The following ZBTB43 variants were observed in gnomAD, a reference collection of about 807,000 sequenced individuals.
ZBTB43 encodes zinc finger and BTB domain-containing protein 43.
In ZBTB43, 6 loss-of-function variants were observed where a neutral mutation model predicts 31.1. That is an observed-to-expected ratio of 0.19 (90% CI 0.11 to 0.38). The LOEUF (loss-of-function observed/expected upper bound fraction) is 0.38. Ranked by LOEUF, ZBTB43 falls within the 10% of genes least tolerant of loss-of-function variation. The pLI is 1.00. For synonymous variants in ZBTB43, 212 were observed against 221.7 expected, an observed-to-expected ratio of 0.96 and a Z score of 0.39; for missense variants, 379 against 602.1, an observed-to-expected ratio of 0.63 and a Z score of 3.88.
At chr9:126,813,487 A>G (rs1335105709) in intron 2 of ZBTB43, among the ~76,000 whole-genome samples, 1 of 151,978 alleles carries the variant, frequency 6.6e-6, no homozygotes, top group Non-Finnish European at 1.5e-5. Context: ...ACTCATTGTC[A>G]CTCATAGAAG....
chr9:126,809,228 G>A (rs1159976212), intron 2 of ZBTB43, among the ~76,000 whole-genome samples: 1 of 152,148 alleles, frequency 6.6e-6, no homozygotes, highest in Non-Finnish European at 1.5e-5. Context: ...GTAACCACTG[G>A]CAGGTCTTTT....
intron 2 of ZBTB43, among the ~76,000 whole-genome samples, chr9:126,828,675 T>TATTATTATTATG (rs1431973272): frequency 6.8e-6 from 1 of 147,102 alleles, no homozygotes; most frequent in African/African-American, 2.5e-5. Flanking sequence ...TTATTATTAT[T>TATTATTATTATG]ATTTTGGAGG....
chr9:126,808,122 G>A (rs544919434), intron 1 of ZBTB43, among the ~76,000 whole-genome samples: 49 of 152,240 alleles, frequency 3.2e-4, no homozygotes, highest in African/African-American at 1.1e-3. Flanking sequence ...TCTAATGCAC[G>A]TGAGGGTACA....
rs922021606 is a variant in ZBTB43 at position 126,808,909 on chromosome 9, G to A, written c.-30G>A. The A allele has an allele frequency of 1.3e-5, 2 of 152,092 alleles. No individual in the cohort carries two copies. Among genetic ancestry groups the A allele is most frequent in the African/African-American group, 4.8e-5 (2 of 41,418 alleles). The allele number at this position is 152,092 out of a possible 1,614,324, so 9.4% of individuals were successfully genotyped here. On this transcript the variant is annotated 5_prime_UTR_variant, in exon 2 of 3. Transcript: ENST00000373464. ...AACTCTATCCCAGGAATACAGCTTT[G>A]CATTAGGTAAGCTATCAACTTGATC...
At chr9:126,827,944 G>A (rs1160086429) in intron 2 of ZBTB43, among the ~76,000 whole-genome samples, 1 of 152,018 alleles carries the variant, frequency 6.6e-6, no homozygotes, top group Non-Finnish European at 1.5e-5. Flanking sequence ...TTGAACCCAG[G>A]AGGCAGAGGT....
chr9:126,815,242 CT>C (rs1564201025), intron 2 of ZBTB43, among the ~76,000 whole-genome samples: 1 of 26,562 alleles, frequency 3.8e-5, no homozygotes, highest in African/African-American at 1.2e-4. Flanking sequence ...ATATATAAAA[CT>C]ATATATATAT....
chr9:126,806,290 G>C lies in ZBTB43; in HGVS notation c.-147+1158G>C, dbSNP rs371316681. Among the ~76,000 whole-genome samples, 16 of 152,316 alleles carry C rather than the reference G, an allele frequency of 1.1e-4. 1 individual carries two copies. The highest frequency in any genetic ancestry group is 6.8e-3 in the Middle Eastern group (2 of 294). On this transcript the variant is annotated intron_variant, in intron 1 of 2. Transcript: ENST00000373464. ...CTGGGATAACTGCATGCTTAGTTCA[G>C]AGATTGTGTCAGCATTTTCAGTTAA...
chr9:126,820,116 A>G (rs895750261), intron 2 of ZBTB43, among the ~76,000 whole-genome samples: 1 of 152,270 alleles, frequency 6.6e-6, no homozygotes, highest in African/African-American at 2.4e-5. Context: ...AGCAAGTGCT[A>G]ATGTAGAAAC....
At chr9:126,832,418 A>C in intron 2 of ZBTB43, 69 bp from the exon 3 acceptor site, 1 of 1,416,586 alleles carries the variant, frequency 7.1e-7, no homozygotes, top group Non-Finnish European at 9.5e-7. Flanking sequence ...TTGTCTTAAC[A>C]ATGGAGGAGG....
At chr9:126,805,345 C>T (rs1334171286) in intron 1 of ZBTB43, among the ~76,000 whole-genome samples, 2 of 152,228 alleles carry the variant, frequency 1.3e-5, no homozygotes, top group African/African-American at 4.8e-5. Flanking sequence ...GCGCAGACCG[C>T]GATACCGAGG....
rs757078417 is a variant in ZBTB43 at position 126,837,656 on chromosome 9, G to T, written c.*3743G>T. 1.8e-5 allele frequency: 3 copies of T among 167,070 alleles called. No homozygotes were observed. The highest frequency in any genetic ancestry group is 4.4e-5 in the Non-Finnish European group (3 of 68,120). 10.3% of individuals were successfully genotyped at this position (167,070 alleles called of 1,614,324 possible). ...CACTGTGTTATCCCCAATCCCTCCT[G>T]TGCCACCAGTTTTGTGATTTAGGTT... is the stretch of plus-strand genomic sequence containing the variant. On this transcript the variant is annotated 3_prime_UTR_variant, in exon 3 of 3. Transcript: ENST00000373464.
At chr9:126,804,882 G>A (rs561341311), upstream of ZBTB43, 3 of 152,672 alleles carry the variant, frequency 2.0e-5, 1 homozygote, top group South Asian at 6.2e-4. Context: ...AGAGTGTACT[G>A]CGCAGGCGCC....
rs972778965 is a variant in ZBTB43, at chr9:126,822,456, T to G, written c.-23-10031T>G. Among the ~76,000 whole-genome samples the G allele has an allele frequency of 9.9e-5, 15 of 152,124 alleles. 1 individual carries two copies. The highest frequency in any genetic ancestry group is 3.6e-4 in the African/African-American group (15 of 41,422). On this transcript the variant is annotated intron_variant, in intron 2 of 2. Coordinates refer to ENST00000373464, the MANE Select transcript of ZBTB43 (RefSeq NM_014007.4). The stretch of plus-strand genomic sequence containing the variant: ...TCACTGTTGTCCTATTTTAAGAAAT[T>G]GGCAGGCCAGGCACGGTGGCTCATG...
In ZBTB43 at chr9:126,826,101, C is replaced by T. The variant is rs577754252; in HGVS notation, c.-23-6386C>T. Among the ~76,000 whole-genome samples, 695 of 151,172 alleles carry T rather than the reference C, an allele frequency of 4.6e-3. 2 individuals are homozygous for T. The highest frequency in any genetic ancestry group is 7.9e-3 in the Non-Finnish European group (535 of 67,892). On this transcript the variant is annotated intron_variant, in intron 2 of 2. Transcript: ENST00000373464. ...TGATCTTGGCTCACTGCAACCTCCACCTCCCGGGTTCAAGCAATTCTCTTG... is the reference window on the plus strand; with the variant it reads ...TGATCTTGGCTCACTGCAACCTCCATCTCCCGGGTTCAAGCAATTCTCTTG...
chr9:126,813,933 C>T lies in ZBTB43; in HGVS notation c.-24+5018C>T, dbSNP rs986146847. ...TAATCAAATGTGCCCTGTGCATTTC[C>T]GCTTTGGAGAATTTATTGATGTTCT... On this transcript the variant is annotated intron_variant, in intron 2 of 2. Coordinates refer to ENST00000373464, the MANE Select transcript of ZBTB43 (RefSeq NM_014007.4). Among the ~76,000 whole-genome samples, 9 of 152,154 alleles carry T rather than the reference C, an allele frequency of 5.9e-5. No homozygotes were observed. The South Asian group carries it at 8.3e-4, about 14-fold the overall frequency.
chr9:126,832,801 C>G lies in ZBTB43; in HGVS notation c.292C>G (p.Pro98Ala), dbSNP rs778029601. ...TACAGGACGTCTAGTAATGCCCGCT[C>G]CAGAAATTGTTAGTTACTTGACAGC... ...SYTGRLVMPA[P>A]EIVSYLTAAS... is the part of the protein sequence containing the mutation. Residue 98 changes from proline (P) to alanine (A), a missense_variant, in exon 3 of 3, where the codon CCA becomes GCA. Transcript: ENST00000373464. 2.5e-6 allele frequency: 4 copies of G among 1,613,986 alleles called. No homozygotes were observed. The highest frequency in any genetic ancestry group is 3.4e-6 in the Non-Finnish European group (4 of 1,180,038).
intron 2 of ZBTB43, among the ~76,000 whole-genome samples, chr9:126,818,291 T>TA (rs200737422): frequency 4.1e-5 from 6 of 145,720 alleles, no homozygotes; most frequent in East Asian, 4.0e-4. Context: ...CCTGGCTAAT[T>TA]AAAAAATATA....
chr9:126,829,577 T>G (rs116857885), intron 2 of ZBTB43, among the ~76,000 whole-genome samples: 2 of 152,320 alleles, frequency 1.3e-5, no homozygotes, highest in Non-Finnish European at 2.9e-5. Context: ...GAGTAGGGAT[T>G]TTTAAAGGAT....
intron 2 of ZBTB43, among the ~76,000 whole-genome samples, chr9:126,825,008 G>A (rs1401316387): frequency 6.6e-6 from 1 of 152,112 alleles, no homozygotes; most frequent in Non-Finnish European, 1.5e-5. Context: ...ATAGTGATGT[G>A]AATATGGCTC....
Sources: gnomAD v4.1 joint callset for allele counts (sites outside exome capture counted in the v4.1 genomes callset) on GRCh38, gnomAD v4.1.1 for gene constraint, MANE v1.5 for transcripts, NCBI Gene and HGNC (gene_info 2026-07-23, HGNC 2026-07-21) for gene names.